Variants in BNIPL observed in about 807,000 individuals in gnomAD.
BNIPL encodes the protein bcl-2/adenovirus E1B 19 kDa-interacting protein 2-like protein.
In BNIPL, 33 loss-of-function variants were observed where a neutral mutation model predicts 47.0. The ratio of observed to expected loss-of-function variants is 0.70; its 90% CI spans 0.53 to 0.94. The LOEUF (loss-of-function observed/expected upper bound fraction) is 0.94. Ranked by LOEUF, BNIPL falls within the 40% of genes least tolerant of loss-of-function variation. The pLI is 0.00. For synonymous variants in BNIPL, 145 were observed against 162.7 expected (o/e 0.89, Z 0.83); for missense variants, 404 against 445.2 (o/e 0.91, Z 0.83).
At chr1:151,038,615 T>G in intron 3 of BNIPL, 47 bp downstream of exon 3, 1 of 1,601,382 alleles carries the variant, frequency 6.2e-7, no homozygotes, top group South Asian at 1.1e-5. Context: ...TCTAGTCCAG[T>G]AAAGGGCTAT....
chr1:151,038,730 A>T, intron 3 of BNIPL, 66 bp from the exon 4 acceptor site: 1 of 1,551,084 alleles, frequency 6.4e-7, no homozygotes, highest in Non-Finnish European at 8.7e-7. Context: ...ACATACAGGA[A>T]TTCTAGCCCT....
In BNIPL at chr1:151,037,707, G is replaced by A. The variant is rs1046510116; in HGVS notation, c.137+45G>A. The A allele has an allele frequency of 2.5e-5, 37 of 1,501,276 alleles. No individual in the cohort carries two copies. In the African/African-American group the frequency reaches 2.9e-4, roughly 12 times the overall value. The allele number at this position is 1,501,276 out of a possible 1,614,324, so 93.0% of individuals were successfully genotyped here. ...GCTGGGAGAAGGGAGGGGTGGTCACGAATGGACGGAGGGGATGGCGCGGCG... is the reference window on the plus strand; with the variant it reads ...GCTGGGAGAAGGGAGGGGTGGTCACAAATGGACGGAGGGGATGGCGCGGCG... On this transcript the variant is annotated intron_variant, in intron 2 of 9. Transcript: ENST00000368931.
rs1675899972 is a variant in BNIPL at position 151,043,379 on chromosome 1, T to C, written c.664T>C (p.Tyr222His). 1 of 1,612,778 alleles carries C rather than the reference T, an allele frequency of 6.2e-7. No homozygotes were observed. The highest frequency in any genetic ancestry group is 1.1e-5 in the South Asian group (1 of 91,070). The part of the protein sequence containing the change: ...LNAVILFASC[Y>H]LPRSSIPNYT... The stretch of plus-strand genomic sequence containing the variant: ...TGCTGTCATCCTTTTTGCTTCCTGT[T>C]ATCTACCCAGAAGCAGCATCCCCAA... Residue 222 changes from tyrosine to histidine, a missense_variant, in exon 6 of 10, where the codon TAT becomes CAT. Transcript: ENST00000368931.
chr1:151,038,277 G>T (rs1202463425), intron 2 of BNIPL: 7 of 565,828 alleles, frequency 1.2e-5, no homozygotes, highest in African/African-American at 1.9e-5. Context: ...GGGAGGCTGA[G>T]GTGGGAGGAC....
intron 7 of BNIPL, among the ~76,000 whole-genome samples, chr1:151,044,385 GA>G (rs1675934263): frequency 6.6e-6 from 1 of 152,220 alleles, no homozygotes; most frequent in Admixed American, 6.5e-5. Flanking sequence ...CTGGCACACA[GA>G]AAGCACTCTT....
chr1:151,040,744 G>A (rs933298627), intron 4 of BNIPL, among the ~76,000 whole-genome samples: 10 of 148,948 alleles, frequency 6.7e-5, no homozygotes, highest in Non-Finnish European at 1.3e-4. Flanking sequence ...GCGGTGAGCC[G>A]AGATTGCGTC....
rs1469603219 is a variant in BNIPL, at chr1:151,045,811, T to C, written c.866T>C (p.Leu289Pro). The C allele has an allele frequency of 3.7e-6, 6 of 1,614,056 alleles. No homozygotes were observed. In the African/African-American group the frequency reaches 8.0e-5, roughly 22 times the overall value. ...RTLDRRLRKN[L>P]RALVVVHATW... ...TTGTTTTTCAGGCTACGGAAAAACC[T>C]GCGAGCCCTGGTGGTTGTCCATGCT... Residue 289 changes from leucine to proline, a missense_variant, in exon 8 of 10, where the codon CTG becomes CCG. Leu to Pro is a moderately conservative substitution (Grantham distance 98, BLOSUM62 -3). Coordinates refer to ENST00000368931, the MANE Select transcript of BNIPL (RefSeq NM_138278.4).
rs777718310 is a variant in BNIPL, at chr1:151,037,623, TGGAGCTGAA to T, written c.103_111del (p.Leu35_Glu37del). 1.2e-6 allele frequency: 2 copies of T among 1,606,536 alleles called. No individual in the cohort carries two copies. The highest frequency in any genetic ancestry group is 4.5e-5 in the East Asian group (2 of 44,672). ...GGAGCAGCCCTGAGACATGGGGAGT[TGGAGCTGAA>T]GGAGGAATGGCAGGATGAAGAATTC... On this transcript the variant is annotated inframe_deletion, in exon 2 of 10. Transcript: ENST00000368931.
At chr1:151,041,110 G>C (rs1363799003) in intron 4 of BNIPL, among the ~76,000 whole-genome samples, 1 of 151,948 alleles carries the variant, frequency 6.6e-6, no homozygotes, top group African/African-American at 2.4e-5. Flanking sequence ...ACCTGAGCCT[G>C]GGAAGTAGAG....
In BNIPL at chr1:151,038,304, G is replaced by A. The variant is rs1411368459; in HGVS notation, c.138-200G>A. On this transcript the variant is annotated intron_variant, in intron 2 of 9. Transcript: ENST00000368931. Reference sequence around the variant, plus strand: ...TGGGAGGACCGCTTGAACCCTGGAGGTAGAGGCTGCAGTGAGCTGTGATTG... The same window carrying A: ...TGGGAGGACCGCTTGAACCCTGGAGATAGAGGCTGCAGTGAGCTGTGATTG... The A allele has an allele frequency of 1.0e-5, 6 of 588,986 alleles. No individual in the cohort carries two copies. The Admixed American group carries it at 1.2e-4, about 12-fold the overall frequency. 36.5% of individuals were successfully genotyped at this position (588,986 alleles called of 1,614,324 possible).
chr1:151,046,730 C>A lies in BNIPL; in HGVS notation c.*43C>A. 1 of 1,478,704 alleles carries A rather than the reference C, an allele frequency of 6.8e-7. No individual in the cohort carries two copies. Among genetic ancestry groups the A allele is most frequent in the South Asian group, 1.2e-5 (1 of 85,804 alleles). The allele number at this position is 1,478,704 out of a possible 1,614,324, so 91.6% of individuals were successfully genotyped here. ...GGCCTTAGAACCAGTTAGTGATCTG[C>A]CTACACCTGAATCCCTGAAACATCT... On this transcript the variant is annotated 3_prime_UTR_variant, in exon 10 of 10. Transcript: ENST00000368931.
At position 151,043,724 on chromosome 1, in the gene BNIPL, G is replaced by A. The variant is rs759387473; in HGVS notation, c.848G>A (p.Arg283Gln). The A allele has an allele frequency of 2.3e-5, 37 of 1,613,020 alleles. 1 individual carries two copies. The South Asian group carries it at 2.3e-4, about 10-fold the overall frequency. The change falls in exon 7 of 10, where the codon CGG (arginine) becomes CAG (glutamine). Residue 283 changes from arginine (R) to glutamine (Q), a missense_variant. Transcript: ENST00000368931. ...CGTCAGTGTTACCGTACCCTGGATC[G>A]GCGGTGAGACCTGGGATGAGAGGGC... ...WIRQCYRTLDRRLRKNLRALV... is the reference protein window; with the variant it reads ...WIRQCYRTLDQRLRKNLRALV...
At chr1:151,039,676 C>T (rs1168407359) in intron 4 of BNIPL, among the ~76,000 whole-genome samples, 4 of 152,184 alleles carry the variant, frequency 2.6e-5, no homozygotes, top group African/African-American at 9.7e-5. Context: ...AAAAAGGTCA[C>T]ATCATGGAGG....
chr1:151,045,582 T>G, intron 7 of BNIPL: 8 of 622,310 alleles, frequency 1.3e-5, no homozygotes, highest in Non-Finnish European at 1.6e-5. Flanking sequence ...AAAAAAAATC[T>G]TGAGAGTTTT....
In BNIPL at chr1:151,043,051, C is replaced by A. The variant is rs200082390; in HGVS notation, c.529C>A (p.His177Asn). ...GGATGTGACTGGAGAAGATGGACAT[C>A]ACTGGAGGGTGTTCCGAATGGGACC... is the stretch of plus-strand genomic sequence containing the variant. ...MWDVTGEDGH[H>N]WRVFRMGPRE... Residue 177 changes from histidine to asparagine, a missense_variant, in exon 5 of 10, where the codon CAC (histidine) becomes AAC (asparagine). Physicochemically the swap from His to Asn is moderately conservative, Grantham distance 68 (BLOSUM62 1). Transcript: ENST00000368931. 8.1e-6 allele frequency: 13 copies of A among 1,611,672 alleles called. No individual in the cohort carries two copies. The highest frequency in any genetic ancestry group is 1.1e-5 in the Non-Finnish European group (13 of 1,179,412).
chr1:151,038,935 T>C lies in BNIPL; in HGVS notation c.342T>C (p.Ser114=). ...CACCCACCCAGTCTGCACCTTCCTC[T>C]CCTGATGGCAGTTCTGACCTGGAGA... ...GASPTQSAPS[S]PDGSSDLEID... Residue 114 remains serine (S), a synonymous_variant, in exon 4 of 10, where the codon TCT becomes TCC. Coordinates refer to ENST00000368931, the MANE Select transcript of BNIPL (RefSeq NM_138278.4). 1 of 1,613,930 alleles carries C rather than the reference T, an allele frequency of 6.2e-7. No homozygotes were observed. The highest frequency in any genetic ancestry group is 8.5e-7 in the Non-Finnish European group (1 of 1,179,926).
chr1:151,046,642 C>T lies in BNIPL; in HGVS notation c.1038-9C>T. Reference sequence around the variant, plus strand: ...AACCACTTCTCTCCTCCCCCTCTCCCTCTCCTAGGCTGGACCGGGATCTCC... The same window carrying T: ...AACCACTTCTCTCCTCCCCCTCTCCTTCTCCTAGGCTGGACCGGGATCTCC... On this transcript the variant is annotated splice_polypyrimidine_tract_variant and intron_variant, in intron 9 of 9. Transcript: ENST00000368931. 1.2e-6 allele frequency: 2 copies of T among 1,600,892 alleles called. No homozygotes were observed. Among genetic ancestry groups the T allele is most frequent in the Non-Finnish European group, 1.7e-6 (2 of 1,172,058 alleles).
At position 151,043,617 on chromosome 1, in the gene BNIPL, G is replaced by T; in HGVS notation, c.741G>T (p.Glu247Asp). 6.2e-7 allele frequency: 1 copy of T among 1,611,930 alleles called. No individual in the cohort carries two copies. Among genetic ancestry groups the T allele is most frequent in the Non-Finnish European group, 8.5e-7 (1 of 1,178,068 alleles). Residue 247 changes from glutamate (E) to aspartate (D), a missense_variant, in exon 7 of 10, where the codon GAG (glutamate) becomes GAT (aspartate). Transcript: ENST00000368931. ...CCAGGTATATGGTGGGAACTCTGGA[G>T]CTGCTAGTAGCTGAAAATTACCTGC... The part of the protein sequence containing the change: ...HLFRYMVGTL[E>D]LLVAENYLLV...
intron 4 of BNIPL, among the ~76,000 whole-genome samples, chr1:151,039,540 A>G (rs587735991): frequency 1.2e-4 from 19 of 152,288 alleles, no homozygotes; most frequent in African/African-American, 4.3e-4. Context: ...AAGGAGAAGA[A>G]GCAGAAGCAA....
Sources: gnomAD v4.1 joint callset for allele counts (sites outside exome capture counted in the v4.1 genomes callset) on GRCh38, gnomAD v4.1.1 for gene constraint, MANE v1.5 for transcripts, NCBI Gene and HGNC (gene_info 2026-07-23, HGNC 2026-07-21) for gene names.